The following IBTK variants were observed in gnomAD, a reference collection of about 807,000 sequenced individuals.
IBTK encodes the protein BTK-binding protein.
IBTK carries 83 observed loss-of-function variants against 154.9 expected under a neutral mutation model. The ratio of observed to expected loss-of-function variants is 0.54; its 90% CI spans 0.45 to 0.64. The LOEUF (loss-of-function observed/expected upper bound fraction) is 0.64. IBTK is among the 30% of genes least tolerant of loss of function. The pLI is 0.00. For synonymous variants in IBTK, 515 were observed against 536.1 expected (o/e 0.96, Z 0.54); for missense variants, 1,332 against 1,584.6 (o/e 0.84, Z 2.71).
chr6:82,183,685 G>T (rs1024522163), intron 25 of IBTK, among the ~76,000 whole-genome samples: 1 of 152,060 alleles, frequency 6.6e-6, no homozygotes, highest in East Asian at 1.9e-4. Flanking sequence ...AAAAAAAATA[G>T]AAAGTTGGAA....
intron 26 of IBTK, among the ~76,000 whole-genome samples, chr6:82,178,386 A>G (rs1562069320): frequency 6.6e-6 from 1 of 152,168 alleles, no homozygotes; most frequent in Non-Finnish European, 1.5e-5. Context: ...TTCAATGAAT[A>G]TTAATATTTA....
intron 21 of IBTK, among the ~76,000 whole-genome samples, chr6:82,197,948 T>C (rs1351006932): frequency 6.6e-6 from 1 of 152,202 alleles, no homozygotes; most frequent in African/African-American, 2.4e-5. Context: ...CAATTAAATC[T>C]GACCTTTTAG....
chr6:82,223,851 G>C (rs1167062133), intron 7 of IBTK, among the ~76,000 whole-genome samples: 2 of 152,162 alleles, frequency 1.3e-5, no homozygotes, highest in Non-Finnish European at 2.9e-5. Context: ...TCGGGGGGCT[G>C]AGATGGGAGG....
intron 19 of IBTK, among the ~76,000 whole-genome samples, chr6:82,201,141 A>C (rs1208236633): frequency 6.6e-6 from 1 of 152,132 alleles, no homozygotes; most frequent in Admixed American, 6.5e-5. Flanking sequence ...ATGTTTTTGC[A>C]CGGTCCTGAC....
intron 26 of IBTK, among the ~76,000 whole-genome samples, chr6:82,175,740 T>A (rs1229692594): frequency 6.6e-6 from 1 of 152,086 alleles, no homozygotes; most frequent in Non-Finnish European, 1.5e-5. Flanking sequence ...TTAAAAGATT[T>A]TTGTTCTGGC....
chr6:82,217,887 T>C, intron 10 of IBTK, 73 bp downstream of exon 10: 1 of 1,017,404 alleles, frequency 9.8e-7, no homozygotes, highest in Non-Finnish European at 1.4e-6. Context: ...CACTTGTCAG[T>C]TGAACCTAAT....
In IBTK at chr6:82,240,824, T is replaced by C; in HGVS notation, c.-338A>G. On this transcript the variant is annotated 5_prime_UTR_variant, in exon 2 of 29. Coordinates refer to ENST00000306270, the MANE Select transcript of IBTK (RefSeq NM_015525.4). Reference sequence around the variant, plus strand: ...CCACACTGTCTGACCCTTTTAAATATCCATAATTGCAAGGGTGACCTATAA... The same window carrying C: ...CCACACTGTCTGACCCTTTTAAATACCCATAATTGCAAGGGTGACCTATAA... The C allele has an allele frequency of 2.4e-6, 1 of 414,892 alleles. No individual in the cohort carries two copies. The highest frequency in any genetic ancestry group is 3.5e-5 in the East Asian group (1 of 28,816). 25.7% of individuals were successfully genotyped at this position (414,892 alleles called of 1,614,324 possible).
intron 2 of IBTK, among the ~76,000 whole-genome samples, chr6:82,234,714 C>G (rs1770651642): frequency 6.6e-6 from 1 of 152,070 alleles, no homozygotes; most frequent in Non-Finnish European, 1.5e-5. Flanking sequence ...TAATGATTAT[C>G]TCTCATATTC....
At position 82,183,000 on chromosome 6, in the gene IBTK, C is replaced by T. The variant is rs567455536; in HGVS notation, c.3576-972G>A. Among the ~76,000 whole-genome samples the T allele has an allele frequency of 5.3e-5, 8 of 152,126 alleles. No homozygotes were observed. In the East Asian group the frequency reaches 1.4e-3, roughly 26 times the overall value. ...AGAGGCATTCAGCTGAGATTCCTGA[C>T]CCAAAGGAATTATGATAATAAATGT... On this transcript the variant is annotated intron_variant, in intron 25 of 28. Transcript: ENST00000306270.
At chr6:82,193,931 C>T (rs1768882838) in intron 23 of IBTK, among the ~76,000 whole-genome samples, 1 of 152,160 alleles carries the variant, frequency 6.6e-6, no homozygotes, top group African/African-American at 2.4e-5. Flanking sequence ...ATCCACCCAC[C>T]TCAGCCTCCC....
At chr6:82,234,597 A>G (rs1050904895) in intron 2 of IBTK, among the ~76,000 whole-genome samples, 3 of 152,138 alleles carry the variant, frequency 2.0e-5, no homozygotes, top group Non-Finnish European at 2.9e-5. Flanking sequence ...TTGGCCTCCC[A>G]AAGTGCTGGG....
chr6:82,226,411 A>G (rs1049637857), intron 5 of IBTK, among the ~76,000 whole-genome samples: 1 of 152,090 alleles, frequency 6.6e-6, no homozygotes, highest in African/African-American at 2.4e-5. Context: ...TAGTGAACCA[A>G]TTTTCTGATA....
At chr6:82,245,338 C>A (rs1771103222) in intron 1 of IBTK, among the ~76,000 whole-genome samples, 1 of 152,054 alleles carries the variant, frequency 6.6e-6, no homozygotes, top group Admixed American at 6.6e-5. Flanking sequence ...GCAGGCAAAT[C>A]ACTTGAGCCC....
Position 82,191,856 on chromosome 6 carries a change from TC to T in IBTK, c.3361del (p.Asp1121IlefsTer8). 6.2e-7 allele frequency: 1 copy of T among 1,611,028 alleles called. No homozygotes were observed. Among genetic ancestry groups the T allele is most frequent in the Non-Finnish European group, 8.5e-7 (1 of 1,177,630 alleles). On this transcript the variant is annotated frameshift_variant, in exon 24 of 29. Transcript: ENST00000306270. LOFTEE classifies it high-confidence loss of function. ...TTCTATTTCCATGATAGTTCTGAGA[TC>T]CACAACAGGAGGGCTGACAGGACTA... is the stretch of plus-strand genomic sequence containing the variant. ...SFSPVSPPVV[D>X]LRTIMEIEES...
At chr6:82,209,195 A>G (rs548249458) in intron 16 of IBTK, among the ~76,000 whole-genome samples, 1 of 152,190 alleles carries the variant, frequency 6.6e-6, no homozygotes, top group African/African-American at 2.4e-5. Flanking sequence ...AATTAAACAG[A>G]TGACCCAGCA....
At chr6:82,227,816 A>G (rs1770355396) in intron 4 of IBTK, among the ~76,000 whole-genome samples, 2 of 152,090 alleles carry the variant, frequency 1.3e-5, no homozygotes, top group African/African-American at 4.8e-5. Flanking sequence ...GGTTTTATCA[A>G]CATGTCTTTA....
At chr6:82,212,894 T>A in intron 12 of IBTK, 101 bp from the exon 13 acceptor site, 1 of 669,566 alleles carries the variant, frequency 1.5e-6, no homozygotes, top group South Asian at 1.8e-5. Context: ...TATAATACTG[T>A]ATCCTAGAAA....
intron 2 of IBTK, among the ~76,000 whole-genome samples, chr6:82,237,690 T>TAGTAGC (rs1290721718): frequency 4.7e-5 from 7 of 149,590 alleles, no homozygotes; most frequent in Non-Finnish European, 8.9e-5. Context: ...GTAGTAGTAG[T>TAGTAGC]AGTAGCAGTA....
In IBTK at chr6:82,247,734, G is replaced by C. The variant is rs1209436899; in HGVS notation, c.-530C>G. 5 of 397,882 alleles carry C rather than the reference G, an allele frequency of 1.3e-5. No individual in the cohort carries two copies. Among genetic ancestry groups the C allele is most frequent in the Non-Finnish European group, 2.2e-5 (5 of 225,870 alleles). The allele number at this position is 397,882 out of a possible 1,614,324, so 24.6% of individuals were successfully genotyped here. A position where few individuals can be genotyped will look rare whatever the true frequency, so the allele number is the denominator to read the frequency against. ...AATACAGCCGCTACTACAGGAATCGGGAACGGGGATGTAGAGGAAGGGCCC... is the reference window on the plus strand; with the variant it reads ...AATACAGCCGCTACTACAGGAATCGCGAACGGGGATGTAGAGGAAGGGCCC... On this transcript the variant is annotated 5_prime_UTR_variant, in exon 1 of 29. Transcript: ENST00000306270.
Sources: gnomAD v4.1 joint callset for allele counts (sites outside exome capture counted in the v4.1 genomes callset) on GRCh38, gnomAD v4.1.1 for gene constraint, MANE v1.5 for transcripts, NCBI Gene and HGNC (gene_info 2026-07-23, HGNC 2026-07-21) for gene names.